Variants in NPAS3 observed in about 807,000 individuals in gnomAD.
NPAS3 encodes neuronal PAS domain protein 3.
NPAS3 carries 14 observed loss-of-function variants against 73.1 expected under a neutral mutation model. That is an observed-to-expected ratio of 0.19 (90% CI 0.13 to 0.30). NPAS3 has a LOEUF of 0.30. Ranked by LOEUF, NPAS3 falls within the 10% of genes least tolerant of loss-of-function variation. NPAS3 has a pLI of 1.00. For missense variants in NPAS3, 1,096 were observed against 1,250.0 expected (o/e 0.88, Z 1.86); for synonymous variants, 620 against 541.5 (o/e 1.14, Z -2.01).
At position 33,247,203 on chromosome 14, in the gene NPAS3, AC is replaced by A. The variant is rs1376853370; in HGVS notation, c.385+31779del. 1.1e-4 allele frequency among the ~76,000 whole-genome samples: 17 copies of A among 152,092 alleles called. No individual in the cohort carries two copies. The East Asian group carries it at 2.7e-3, about 24-fold the overall frequency. On this transcript the variant is annotated intron_variant, in intron 3 of 11. Coordinates refer to ENST00000356141, the Ensembl canonical transcript of NPAS3. The stretch of plus-strand genomic sequence containing the variant: ...ATTCTAAAGTACTCTCCCCATTATT[AC>A]CTGTGTTAATGTGATATTATCTTTT...
chr14:33,689,934 G>T (rs545518818), intron 6 of NPAS3, among the ~76,000 whole-genome samples: 9 of 152,236 alleles, frequency 5.9e-5, no homozygotes, highest in African/African-American at 1.9e-4. Flanking sequence ...GTCTCCAAGG[G>T]TTTGCAGCTT....
chr14:33,325,421 G>A (rs1174709360), intron 3 of NPAS3, among the ~76,000 whole-genome samples: 2 of 152,080 alleles, frequency 1.3e-5, no homozygotes, highest in Non-Finnish European at 2.9e-5. Flanking sequence ...CGAGGTGGGT[G>A]GATCACTTGA....
intron 2 of NPAS3, among the ~76,000 whole-genome samples, chr14:33,070,552 G>C (rs1017093989): frequency 1.3e-5 from 2 of 152,166 alleles, no homozygotes; most frequent in African/African-American, 4.8e-5. Context: ...TGAGTAACAG[G>C]TAAATATTGA....
At chr14:33,711,319 C>A (rs754465108) in intron 6 of NPAS3, among the ~76,000 whole-genome samples, 1 of 152,124 alleles carries the variant, frequency 6.6e-6, no homozygotes, top group Non-Finnish European at 1.5e-5. Flanking sequence ...ACTGAACTGG[C>A]GGACGAGTGT....
chr14:33,397,970 A>G (rs2047293869), intron 4 of NPAS3, among the ~76,000 whole-genome samples: 2 of 152,138 alleles, frequency 1.3e-5, no homozygotes, highest in South Asian at 4.1e-4. Flanking sequence ...GTTTGGCTTC[A>G]TTTTACTAAG....
At chr14:33,190,817 A>G (rs1333747294) in intron 2 of NPAS3, among the ~76,000 whole-genome samples, 2 of 152,184 alleles carry the variant, frequency 1.3e-5, no homozygotes, top group Non-Finnish European at 2.9e-5. Flanking sequence ...GCCCATCGGT[A>G]TAAAGCCTTT....
chr14:33,314,001 T>C (rs1266845277), intron 3 of NPAS3, among the ~76,000 whole-genome samples: 1 of 152,092 alleles, frequency 6.6e-6, no homozygotes, highest in Non-Finnish European at 1.5e-5. Flanking sequence ...TTTTTCTTCC[T>C]GTTGATTTAT....
intron 7 of NPAS3, among the ~76,000 whole-genome samples, chr14:33,741,381 A>G (rs1013404872): frequency 6.6e-6 from 1 of 152,216 alleles, no homozygotes; most frequent in African/African-American, 2.4e-5. Flanking sequence ...TTGCCTTTCA[A>G]TCAACCCAGA....
intron 3 of NPAS3, among the ~76,000 whole-genome samples, chr14:33,220,664 A>T (rs974983972): frequency 6.6e-6 from 1 of 152,152 alleles, no homozygotes; most frequent in African/African-American, 2.4e-5. Context: ...CTGAGACTCT[A>T]ATTCTTTGGA....
At chr14:33,234,623 G>T (rs2047968290) in intron 3 of NPAS3, among the ~76,000 whole-genome samples, 1 of 152,062 alleles carries the variant, frequency 6.6e-6, no homozygotes. Context: ...GTGGCTGTGT[G>T]GTGGCTAGAC....
intron 6 of NPAS3, among the ~76,000 whole-genome samples, chr14:33,721,485 C>T (rs761628747): frequency 6.6e-6 from 1 of 151,746 alleles, no homozygotes; most frequent in East Asian, 1.9e-4. Context: ...ATTTTAACAC[C>T]CCAAAAAAAT....
intron 3 of NPAS3, among the ~76,000 whole-genome samples, chr14:33,291,900 C>G (rs1429093327): frequency 6.6e-6 from 1 of 152,206 alleles, no homozygotes; most frequent in African/African-American, 2.4e-5. Context: ...CGACAAATAG[C>G]CAGGGGATCA....
intron 2 of NPAS3, among the ~76,000 whole-genome samples, chr14:33,147,730 A>ATATATATATATATATATATAT (rs1555344654): frequency 2.3e-5 from 3 of 130,382 alleles, no homozygotes; most frequent in African/African-American, 9.7e-5. Flanking sequence ...TAGAATAAAA[A>ATATATATATATATATATATAT]ATATATATAT....
intron 2 of NPAS3, among the ~76,000 whole-genome samples, chr14:33,186,008 C>G (rs1244409609): frequency 6.6e-6 from 1 of 152,128 alleles, no homozygotes; most frequent in Non-Finnish European, 1.5e-5. Flanking sequence ...ATGAGAAATG[C>G]TTGGGTCTCA....
intron 4 of NPAS3, among the ~76,000 whole-genome samples, chr14:33,458,825 GT>G (rs1193558724): frequency 1.3e-5 from 2 of 152,174 alleles, no homozygotes; most frequent in Non-Finnish European, 2.9e-5. Context: ...ACATACGAGA[GT>G]TTTGTTACAG....
chr14:33,482,144 T>C (rs1225177538), intron 4 of NPAS3, among the ~76,000 whole-genome samples: 1 of 151,832 alleles, frequency 6.6e-6, no homozygotes, highest in Non-Finnish European at 1.5e-5. Context: ...TCTTCAAGTA[T>C]ATTTTCAAAG....
At chr14:32,937,252 G>T (rs2035724952), upstream of NPAS3, among the ~76,000 whole-genome samples, 1 of 152,024 alleles carries the variant, frequency 6.6e-6, no homozygotes, top group African/African-American at 2.4e-5. Context: ...GCTTGGATTT[G>T]TTTCCATCTG....
At chr14:33,403,400 A>G (rs1466321560) in intron 4 of NPAS3, among the ~76,000 whole-genome samples, 1 of 152,140 alleles carries the variant, frequency 6.6e-6, no homozygotes, top group African/African-American at 2.4e-5. Context: ...AGTACAATAC[A>G]TCACTGATAC....
chr14:33,667,139 A>G (rs1201270727), intron 5 of NPAS3, among the ~76,000 whole-genome samples: 1 of 150,008 alleles, frequency 6.7e-6, no homozygotes, highest in East Asian at 1.9e-4. Context: ...TTTTCTTTAT[A>G]TTTTTGTACA....
Sources: gnomAD v4.1 joint callset for allele counts (sites outside exome capture counted in the v4.1 genomes callset) on GRCh38, gnomAD v4.1.1 for gene constraint, MANE v1.5 for transcripts, NCBI Gene and HGNC (gene_info 2026-07-23, HGNC 2026-07-21) for gene names.